The following ADAT1 variants were observed in gnomAD, a reference collection of about 807,000 sequenced individuals.
ADAT1 encodes the protein adenosine deaminase tRNA specific 1.
In ADAT1, 58 loss-of-function variants were observed where a neutral mutation model predicts 58.6. The observed-to-expected ratio is 0.99, with a 90% CI of 0.80 to 1.23. The LOEUF (loss-of-function observed/expected upper bound fraction) is 1.23, where lower values mean the gene tolerates loss of function less well. Among genes scored for constraint, ADAT1 ranks in the 50% most tolerant of loss-of-function variants. The probability of loss-of-function intolerance (pLI) is 0.00; values close to 1 mark genes in which losing one functional copy is unlikely to be tolerated. For synonymous variants in ADAT1, 254 were observed against 220.8 expected (o/e 1.15, Z -1.33); for missense variants, 741 against 608.6 (o/e 1.22, Z -2.29).
chr16:75,622,620 A>G lies in ADAT1; in HGVS notation c.-239T>C, dbSNP rs1213928306. 1 of 152,190 alleles carries G rather than the reference A, an allele frequency of 6.6e-6. No homozygotes were observed. The highest frequency in any genetic ancestry group is 6.5e-5 in the Admixed American group (1 of 15,276). The allele number at this position is 152,190 out of a possible 1,614,324, so 9.4% of individuals were successfully genotyped here. On this transcript the variant is annotated 5_prime_UTR_variant, in exon 1 of 10. Coordinates refer to ENST00000564657, the MANE Select transcript of ADAT1 (RefSeq NM_001324445.2). The stretch of plus-strand genomic sequence containing the variant: ...TGAATGAGCATGCACAATTGTTTAA[A>G]TGAATAAATGTTTTGCTACACTGGG...
At chr16:75,611,154 G>A (rs753275646) in intron 6 of ADAT1, among the ~76,000 whole-genome samples, 1 of 151,876 alleles carries the variant, frequency 6.6e-6, no homozygotes, top group Non-Finnish European at 1.5e-5. Context: ...AATGTTTAGG[G>A]TTAAAAAACA....
rs1246241524 is a variant in ADAT1, at chr16:75,612,437, C to T, written c.849G>A (p.Leu283=). 3 of 1,614,124 alleles carry T rather than the reference C, an allele frequency of 1.9e-6. No individual in the cohort carries two copies. Among genetic ancestry groups the T allele is most frequent in the African/African-American group, 1.3e-5 (1 of 74,942 alleles). ...KPGAAFHQVG[L]LRVKPGRGDR... ...CTCCACGGCCTGGCTTCACTCGGAG[C>T]AGCCCCACCTGGTGAAACGCAGCAC... The change falls in exon 6 of 10, where the codon CTG becomes CTA. Residue 283 remains leucine (L), a synonymous_variant. Transcript: ENST00000564657.
intron 6 of ADAT1, among the ~76,000 whole-genome samples, chr16:75,611,990 G>C (rs1337844649): frequency 2.0e-5 from 3 of 152,042 alleles, no homozygotes; most frequent in Non-Finnish European, 2.9e-5. Flanking sequence ...CCCAGGAGGC[G>C]GTGGCTGCAG....
rs183046423 is a variant in ADAT1, at chr16:75,618,490, A to G, written c.293+96T>C. 1.4e-5 allele frequency: 11 copies of G among 807,848 alleles called. No homozygotes were observed. In the African/African-American group the frequency reaches 1.6e-4, roughly 12 times the overall value. 50.0% of individuals were successfully genotyped at this position (807,848 alleles called of 1,614,324 possible). ...CACTGCACTCCAGCCTGGGCAACAGAGCAAGACTCTGTCCCCCCCAAAAAA... is the reference window on the plus strand; with the variant it reads ...CACTGCACTCCAGCCTGGGCAACAGGGCAAGACTCTGTCCCCCCCAAAAAA... On this transcript the variant is annotated intron_variant, in intron 4 of 9. Transcript: ENST00000564657.
chr16:75,615,390 G>GTAC (rs1555510451), intron 5 of ADAT1, among the ~76,000 whole-genome samples: 3 of 140,892 alleles, frequency 2.1e-5, no homozygotes, highest in African/African-American at 7.8e-5. Context: ...TAAGTGTCCA[G>GTAC]TATTTTGGCT....
intron 1 of ADAT1, among the ~76,000 whole-genome samples, chr16:75,621,431 G>A (rs1358703996): frequency 6.6e-6 from 1 of 151,972 alleles, no homozygotes; most frequent in Non-Finnish European, 1.5e-5. Flanking sequence ...CAAATTAACT[G>A]TGATGCTGAA....
Position 75,612,616 on chromosome 16 carries a change from C to T in ADAT1, c.670G>A (p.Gly224Ser), listed in dbSNP as rs746208678. ...CTGTGGATGCCTGGTGAGATTGGGC[C>T]ACTTTTCTGCTTGCCAAAACTCTGA... Reference protein sequence around the residue: ...HHQSFGKQKSGPISPGIHSCD... With the variant: ...HHQSFGKQKSSPISPGIHSCD... The change falls in exon 6 of 10, where the codon GGC (glycine) becomes AGC (serine). Residue 224 changes from glycine to serine, a missense_variant. Gly to Ser is a moderately conservative substitution (Grantham distance 56). Coordinates refer to ENST00000564657, the MANE Select transcript of ADAT1 (RefSeq NM_001324445.2). 1 of 1,613,938 alleles carries T rather than the reference C, an allele frequency of 6.2e-7. No homozygotes were observed. The highest frequency in any genetic ancestry group is 2.2e-5 in the East Asian group (1 of 44,882).
Position 75,612,462 on chromosome 16 carries a change from C to T in ADAT1, c.824G>A (p.Gly275Asp). 6.2e-7 allele frequency: 1 copy of T among 1,614,228 alleles called. No individual in the cohort carries two copies. The highest frequency in any genetic ancestry group is 8.5e-7 in the Non-Finnish European group (1 of 1,180,042). The change falls in exon 6 of 10, where the codon GGT (glycine) becomes GAT (aspartate). Residue 275 changes from glycine to aspartate, a missense_variant. Transcript: ENST00000564657. Reference sequence around the variant, plus strand: ...CAGCCCCACCTGGTGAAACGCAGCACCCGGCTTTCCGGAGTCTCCAGCTTC... The same window carrying T: ...CAGCCCCACCTGGTGAAACGCAGCATCCGGCTTTCCGGAGTCTCCAGCTTC... Reference protein sequence around the residue: ...PGEAGDSGKPGAAFHQVGLLR... With the variant: ...PGEAGDSGKPDAAFHQVGLLR...
At position 75,599,213 on chromosome 16, in the gene ADAT1, C is replaced by T; in HGVS notation, c.*1003G>A. 1.0e-5 allele frequency: 9 copies of T among 857,406 alleles called. No individual in the cohort carries two copies. In the South Asian group the frequency reaches 3.8e-4, roughly 36 times the overall value. 53.1% of individuals were successfully genotyped at this position (857,406 alleles called of 1,614,324 possible). A position where few individuals can be genotyped will look rare whatever the true frequency, so the allele number is the denominator to read the frequency against. Reference sequence around the variant, plus strand: ...TCTCCTGCCTCAGCCTCCCGAGTAGCTAGGATTACAGGTGTGCGCCACCAT... The same window carrying T: ...TCTCCTGCCTCAGCCTCCCGAGTAGTTAGGATTACAGGTGTGCGCCACCAT... On this transcript the variant is annotated 3_prime_UTR_variant, in exon 10 of 10. Transcript: ENST00000564657.
rs2151787596 is a variant in ADAT1 at position 75,620,737 on chromosome 16, C to G, written c.63G>C (p.Lys21Asn). 1 of 1,614,182 alleles carries G rather than the reference C, an allele frequency of 6.2e-7. No homozygotes were observed. Among genetic ancestry groups the G allele is most frequent in the Non-Finnish European group, 8.5e-7 (1 of 1,180,022 alleles). ...CATGGTTTGGCTCAGGCTTCCCCTT[C>G]TTGGGCAGCCTGATCCCATAGTGTT... ...CYEHYGIRLP[K>N]KGKPEPNHEW... The change falls in exon 2 of 10, where the codon AAG becomes AAC. Residue 21 changes from lysine (K) to asparagine (N), a missense_variant. Physicochemically the swap from Lys to Asn is moderately conservative, Grantham distance 94 (BLOSUM62 0). Coordinates refer to ENST00000564657, the MANE Select transcript of ADAT1 (RefSeq NM_001324445.2).
intron 3 of ADAT1, among the ~76,000 whole-genome samples, chr16:75,619,239 G>C (rs546184167): frequency 6.6e-6 from 1 of 151,936 alleles, no homozygotes; most frequent in African/African-American, 2.4e-5. Context: ...CCCAGATCTC[G>C]GCCAGGGACG....
chr16:75,621,336 C>G (rs2081925597), intron 1 of ADAT1, among the ~76,000 whole-genome samples: 1 of 150,524 alleles, frequency 6.6e-6, no homozygotes, highest in East Asian at 2.1e-4. Context: ...AAATGTTTCT[C>G]AGCAGTTACG....
At chr16:75,620,144 A>T in intron 3 of ADAT1, 122 bp downstream of exon 3, 1 of 922,026 alleles carries the variant, frequency 1.1e-6, no homozygotes, top group Non-Finnish European at 1.7e-6. Context: ...CTGGACTGAT[A>T]GTCAGTAGGA....
intron 8 of ADAT1, among the ~76,000 whole-genome samples, chr16:75,607,144 T>C (rs1296443577): frequency 6.6e-6 from 1 of 151,878 alleles, no homozygotes; most frequent in Non-Finnish European, 1.5e-5. Context: ...GAGAGATAAA[T>C]GGCTAATAAG....
intron 5 of ADAT1, among the ~76,000 whole-genome samples, chr16:75,616,656 C>T (rs1434835788): frequency 6.6e-6 from 1 of 152,082 alleles, no homozygotes; most frequent in Admixed American, 6.5e-5. Flanking sequence ...AAAATTTACC[C>T]TAACTAACCA....
intron 3 of ADAT1, chr16:75,619,652 T>G: frequency 2.2e-6 from 1 of 455,594 alleles, no homozygotes; most frequent in South Asian, 1.5e-5. Context: ...GGCTCACACC[T>G]TTAATCCCAG....
chr16:75,599,946 C>A lies in ADAT1; in HGVS notation c.*270G>T. 8.4e-7 allele frequency: 1 copy of A among 1,190,152 alleles called. No homozygotes were observed. Among genetic ancestry groups the A allele is most frequent in the Non-Finnish European group, 1.0e-6 (1 of 956,774 alleles). The allele number at this position is 1,190,152 out of a possible 1,614,324, so 73.7% of individuals were successfully genotyped here. A position where few individuals can be genotyped will look rare whatever the true frequency, so the allele number is the denominator to read the frequency against. ...CAGAGTACTTTCAAAGCATCATGTT[C>A]CAAACTCTGATTTCATATTTTAGAG... On this transcript the variant is annotated 3_prime_UTR_variant, in exon 10 of 10. Coordinates refer to ENST00000564657, the MANE Select transcript of ADAT1 (RefSeq NM_001324445.2).
chr16:75,617,030 C>A, intron 5 of ADAT1, 112 bp downstream of exon 5: 1 of 1,347,756 alleles, frequency 7.4e-7, no homozygotes, highest in Non-Finnish European at 1.0e-6. Context: ...CTTGTGACTA[C>A]CTGTGGCTAC....
rs1567455691 is a variant in ADAT1 at position 75,598,285 on chromosome 16, A to C, written c.*1931T>G. On this transcript the variant is annotated 3_prime_UTR_variant, in exon 10 of 10. Transcript: ENST00000564657. ...AGAAAGGGGCTTCACCATGTTGGCC[A>C]GGATGGTCTTGATCTCCTGACGTCG... 5.9e-6 allele frequency: 2 copies of C among 337,154 alleles called. No homozygotes were observed. Among genetic ancestry groups the C allele is most frequent in the Non-Finnish European group, 1.2e-5 (2 of 168,394 alleles). 20.9% of individuals were successfully genotyped at this position (337,154 alleles called of 1,614,324 possible).
Sources: allele counts gnomAD v4.1 joint callset (sites outside exome capture counted in the v4.1 genomes callset), GRCh38; gene constraint gnomAD v4.1.1; transcripts MANE v1.5; gene names NCBI Gene and HGNC (gene_info 2026-07-23, HGNC 2026-07-21).